Variants in HMCN1 observed in about 807,000 individuals in gnomAD.
HMCN1 encodes hemicentin-1.
Under a neutral mutation model 625.9 loss-of-function variants are expected in HMCN1, and 321 were observed. The observed-to-expected ratio is 0.51, with a 90% CI of 0.47 to 0.56. HMCN1 has a LOEUF of 0.56. HMCN1 is among the 20% of genes least tolerant of loss of function. The pLI is 0.00. For synonymous variants in HMCN1, 2,425 were observed against 2,417.6 expected, an observed-to-expected ratio of 1.00 and a Z score of -0.09; for missense variants, 6,588 against 6,887.3, an observed-to-expected ratio of 0.96 and a Z score of 1.54.
Position 186,088,197 on chromosome 1 carries a change from C to T in HMCN1, c.9498C>T (p.Ser3166=). 1 of 1,612,700 alleles carries T rather than the reference C, an allele frequency of 6.2e-7. No homozygotes were observed. Among genetic ancestry groups the T allele is most frequent in the Non-Finnish European group, 8.5e-7 (1 of 1,179,268 alleles). Residue 3166 remains serine (S), a synonymous_variant, in exon 62 of 107, where the codon AGC becomes AGT. Coordinates refer to ENST00000271588, the MANE Select transcript of HMCN1 (RefSeq NM_031935.3). ...GAGAAGTGATTGTGGAGACGATCAG[C>T]AATCCTGTGACATTAACATGTGATG... ...PEREVIVETI[S]NPVTLTCDAT... is the part of the protein sequence containing the mutation.
intron 71 of HMCN1, among the ~76,000 whole-genome samples, chr1:186,111,412 G>T (rs1394612553): frequency 6.6e-6 from 1 of 152,078 alleles, no homozygotes; most frequent in African/African-American, 2.4e-5. Context: ...ACTTCGGAAG[G>T]CCAAGGCAGG....
At chr1:186,004,188 A>C (rs1214065742) in intron 29 of HMCN1, among the ~76,000 whole-genome samples, 2 of 152,180 alleles carry the variant, frequency 1.3e-5, no homozygotes, top group Non-Finnish European at 2.9e-5. Context: ...AAAAAGGAAA[A>C]TGTGTTTATG....
At chr1:185,952,948 A>G (rs900346213) in intron 11 of HMCN1, among the ~76,000 whole-genome samples, 4 of 151,180 alleles carry the variant, frequency 2.6e-5, no homozygotes, top group African/African-American at 9.8e-5. Context: ...CAGAGATAAG[A>G]GGTTGGGGTG....
intron 2 of HMCN1, among the ~76,000 whole-genome samples, chr1:185,858,625 TTTTTTTTTA>T (rs1662641650): frequency 8.7e-6 from 1 of 114,454 alleles, no homozygotes; most frequent in Non-Finnish European, 1.8e-5. Context: ...TTTTTTTTTT[TTTTTTTTTA>T]GAGACGGGGA....
In HMCN1 at chr1:186,151,309, A is replaced by C. The variant is rs1365182044; in HGVS notation, c.14718A>C (p.Arg4906Ser). The C allele has an allele frequency of 3.7e-6, 6 of 1,613,696 alleles. No homozygotes were observed. The highest frequency in any genetic ancestry group is 2.7e-5 in the African/African-American group (2 of 74,918). The change falls in exon 94 of 107, where the codon AGA (arginine) becomes AGC (serine). Residue 4906 changes from arginine (R) to serine (S), a missense_variant. Arg to Ser is a moderately radical substitution (Grantham distance 110). Transcript: ENST00000271588. ...TITDSPNSDT[R>S]IIRAKITNVP... ...CTGATAGCCCTAACTCTGATACTAG[A>C]ATAATACGTGCCAAAATTACCAATG...
intron 4 of HMCN1, among the ~76,000 whole-genome samples, chr1:185,872,899 A>G (rs1033641117): frequency 6.6e-6 from 1 of 152,192 alleles, no homozygotes; most frequent in Non-Finnish European, 1.5e-5. Flanking sequence ...CAATCATGGC[A>G]TCTGATCCCT....
chr1:185,804,669 A>G (rs1179192875), intron 1 of HMCN1, among the ~76,000 whole-genome samples: 1 of 152,032 alleles, frequency 6.6e-6, no homozygotes, highest in Non-Finnish European at 1.5e-5. Context: ...TCTCCTTCCA[A>G]CCATTACTTC....
intron 52 of HMCN1, among the ~76,000 whole-genome samples, chr1:186,073,755 T>A (rs1459356219): frequency 6.6e-6 from 1 of 151,512 alleles, no homozygotes; most frequent in Non-Finnish European, 1.5e-5. Context: ...GTGAAAATAT[T>A]GCAAGGTCAA....
intron 1 of HMCN1, among the ~76,000 whole-genome samples, chr1:185,790,122 C>A (rs2102197952): frequency 6.6e-6 from 1 of 152,268 alleles, no homozygotes; most frequent in Non-Finnish European, 1.5e-5. Context: ...CCTGACCAAA[C>A]CAAAAACAGT....
chr1:185,982,486 G>A (rs1651716102), intron 18 of HMCN1, 97 bp downstream of exon 18: 7 of 1,179,994 alleles, frequency 5.9e-6, no homozygotes, highest in Non-Finnish European at 8.5e-6. Flanking sequence ...TGTCACCTAG[G>A]CTGGAGTGCA....
At chr1:185,892,272 C>T (rs886804548) in intron 4 of HMCN1, among the ~76,000 whole-genome samples, 2 of 151,174 alleles carry the variant, frequency 1.3e-5, no homozygotes, top group Non-Finnish European at 2.9e-5. Flanking sequence ...TCCCGTAGCT[C>T]AGAGTAATTT....
At chr1:186,104,903 A>G (rs1660540898) in intron 69 of HMCN1, among the ~76,000 whole-genome samples, 1 of 152,234 alleles carries the variant, frequency 6.6e-6, no homozygotes, top group Admixed American at 6.5e-5. Context: ...AAAGTAGGCA[A>G]AAGAATTTGT....
intron 4 of HMCN1, among the ~76,000 whole-genome samples, chr1:185,881,139 G>T (rs1273268310): frequency 1.3e-5 from 2 of 152,244 alleles, no homozygotes; most frequent in East Asian, 3.9e-4. Flanking sequence ...TGAGGTGGCT[G>T]CCTCTCTGCC....
chr1:185,781,310 G>A (rs7555536), intron 1 of HMCN1, among the ~76,000 whole-genome samples: 1 of 151,868 alleles, frequency 6.6e-6, no homozygotes, highest in Admixed American at 6.6e-5. Flanking sequence ...CTCCTAGATT[G>A]ATTAATTTTT....
intron 86 of HMCN1, among the ~76,000 whole-genome samples, chr1:186,132,802 C>T (rs1558247922): frequency 6.6e-6 from 1 of 152,042 alleles, no homozygotes; most frequent in Non-Finnish European, 1.5e-5. Context: ...TCCCCCCACC[C>T]CCCACAACAG....
chr1:185,893,030 A>C (rs962606502), intron 4 of HMCN1, among the ~76,000 whole-genome samples: 14 of 152,146 alleles, frequency 9.2e-5, no homozygotes, highest in African/African-American at 1.9e-4. Flanking sequence ...TTTTTTAAGC[A>C]GGTCGGAAAA....
At chr1:186,117,293 T>G (rs1661179790) in intron 76 of HMCN1, among the ~76,000 whole-genome samples, 166 bp from the exon 77 acceptor site, 1 of 152,146 alleles carries the variant, frequency 6.6e-6, no homozygotes. Flanking sequence ...TTGTACAAAT[T>G]ACTTCATCAC....
At chr1:185,961,272 A>G (rs1367973074) in intron 11 of HMCN1, among the ~76,000 whole-genome samples, 1 of 152,226 alleles carries the variant, frequency 6.6e-6, no homozygotes, top group Non-Finnish European at 1.5e-5. Context: ...AGTGAAACTA[A>G]GCCACAATTT....
At chr1:186,055,048 C>A (rs1571787884) in intron 44 of HMCN1, among the ~76,000 whole-genome samples, 1 of 151,922 alleles carries the variant, frequency 6.6e-6, no homozygotes, top group East Asian at 1.9e-4. Flanking sequence ...GTAAGCTAGG[C>A]TACTATATCT....
Sources: allele counts gnomAD v4.1 joint callset (sites outside exome capture counted in the v4.1 genomes callset), GRCh38; gene constraint gnomAD v4.1.1; transcripts MANE v1.5; gene names NCBI Gene and HGNC (gene_info 2026-07-23, HGNC 2026-07-21).